Variants in CD99 observed in about 807,000 individuals in gnomAD.
CD99 encodes the protein CD99 molecule (Xg blood group).
In CD99, 19 loss-of-function variants were observed where a neutral mutation model predicts 28.4. That is an observed-to-expected ratio of 0.67 (90% CI 0.47 to 0.98). The LOEUF (loss-of-function observed/expected upper bound fraction) is 0.98. Among genes scored for constraint, CD99 ranks in the 50% least tolerant of loss-of-function variants. The pLI is 0.00. For missense variants in CD99, 283 were observed against 248.8 expected (o/e 1.14, Z -0.92); for synonymous variants, 103 against 92.1 (o/e 1.12, Z -0.67).
At chrX:2,706,310 A>G (rs2048113290) in intron 1 of CD99, among the ~76,000 whole-genome samples, 1 of 152,032 alleles carries the variant, frequency 6.6e-6, no homozygotes, top group African/African-American at 2.4e-5. Context: ...CAGTGAGCCA[A>G]AATCGGGCCA....
chrX:2,717,498 C>A, intron 2 of CD99, 107 bp from the exon 3 acceptor site: 2 of 916,156 alleles, frequency 2.2e-6, no homozygotes, highest in Non-Finnish European at 3.6e-6. Context: ...ATGCTAAAAA[C>A]ATTCTCCGAC....
intron 8 of CD99, among the ~76,000 whole-genome samples, chrX:2,735,925 T>G (rs1214839421): frequency 6.6e-6 from 1 of 151,780 alleles, no homozygotes; most frequent in African/African-American, 2.4e-5. Flanking sequence ...GCTGCTGGCT[T>G]GGCACGGTGG....
At position 2,717,728 on chromosome X, in the gene CD99, A is replaced by C; in HGVS notation, c.148+76A>C. On this transcript the variant is annotated intron_variant, in intron 3 of 9. Coordinates refer to ENST00000381192, the MANE Select transcript of CD99 (RefSeq NM_002414.5). ...TCGGACAGCAGGACGGGACTTAGGC[A>C]ACTAGAAAGAAGACAGAAGTGATTT... is the stretch of plus-strand genomic sequence containing the variant. The C allele has an allele frequency of 5.3e-6, 7 of 1,318,152 alleles. No individual in the cohort carries two copies. In the South Asian group the frequency reaches 8.3e-5, roughly 16 times the overall value. 81.7% of individuals were successfully genotyped at this position (1,318,152 alleles called of 1,614,324 possible).
chrX:2,700,910 C>T (rs773856159), intron 1 of CD99, among the ~76,000 whole-genome samples: 36 of 151,242 alleles, frequency 2.4e-4, no homozygotes, highest in Non-Finnish European at 4.6e-4. Context: ...CCCATCCATC[C>T]ACCCACCCAA....
chrX:2,716,263 C>T lies in CD99; in HGVS notation c.101-1342C>T, dbSNP rs757556539. ...CGAACTCCTGACCTTGTGATCTGCCCGCCTTGGCCTCCCAAAGTGCTGGGA... is the reference window on the plus strand; with the variant it reads ...CGAACTCCTGACCTTGTGATCTGCCTGCCTTGGCCTCCCAAAGTGCTGGGA... On this transcript the variant is annotated intron_variant, in intron 2 of 9. Transcript: ENST00000381192. 9.9e-5 allele frequency among the ~76,000 whole-genome samples: 15 copies of T among 152,250 alleles called. No individual in the cohort carries two copies. The East Asian group carries it at 1.9e-3, about 20-fold the overall frequency.
rs757542193 is a variant in CD99, at chrX:2,706,176, G to C, written c.68-8246G>C. On this transcript the variant is annotated intron_variant, in intron 1 of 9. Transcript: ENST00000381192. The stretch of plus-strand genomic sequence containing the variant: ...AGATCGAGACCATCCTGGCTACCAC[G>C]GTGAAACCCAGTCTCTACTAAAAAT... Among the ~76,000 whole-genome samples the C allele has an allele frequency of 2.1e-3, 315 of 151,750 alleles. 1 individual carries two copies. The highest frequency in any genetic ancestry group is 3.3e-3 in the Non-Finnish European group (223 of 67,962).
intron 8 of CD99, chrX:2,737,787 C>T (rs756429829): frequency 8.7e-6 from 3 of 345,384 alleles, no homozygotes; most frequent in South Asian, 2.4e-5. Flanking sequence ...TGAGTCACCA[C>T]GCCCAGCCGT....
rs2047380359 is a variant in CD99, at chrX:2,692,621, G to A, written c.67+1194G>A. ...ACTTGGAGGACTTTCCAGCCTGCAG[G>A]GGAGGTTCCAAGCAGAGCTTCCTGT... is the stretch of plus-strand genomic sequence containing the variant. On this transcript the variant is annotated intron_variant, in intron 1 of 9. Transcript: ENST00000381192. Among the ~76,000 whole-genome samples the A allele has an allele frequency of 2.6e-5, 4 of 152,256 alleles. No homozygotes were observed. In the South Asian group the frequency reaches 8.3e-4, roughly 32 times the overall value.
chrX:2,709,696 G>GT, intron 1 of CD99, among the ~76,000 whole-genome samples: 1 of 152,324 alleles, frequency 6.6e-6, no homozygotes, highest in South Asian at 2.1e-4. Flanking sequence ...GCACATGCAT[G>GT]AACATAGACA....
chrX:2,719,833 A>G, intron 4 of CD99, 128 bp downstream of exon 4: 1 of 961,350 alleles, frequency 1.0e-6, no homozygotes, highest in Non-Finnish European at 1.7e-6. Context: ...AACCTAGGGA[A>G]TAGGTGTGTC....
Position 2,733,847 on chromosome X carries a change from G to A in CD99, c.476-4353G>A, listed in dbSNP as rs2049801581. On this transcript the variant is annotated intron_variant, in intron 8 of 9. Coordinates refer to ENST00000381192, the MANE Select transcript of CD99 (RefSeq NM_002414.5). Reference sequence around the variant, plus strand: ...GGATTTTTAAATCTTCAACGTTTTTGGCCGTTGACTTGCATTTCTCACTGC... The same window carrying A: ...GGATTTTTAAATCTTCAACGTTTTTAGCCGTTGACTTGCATTTCTCACTGC... Among the ~76,000 whole-genome samples the A allele has an allele frequency of 2.6e-5, 4 of 152,176 alleles. No homozygotes were observed. In the South Asian group the frequency reaches 8.3e-4, roughly 32 times the overall value.
intron 2 of CD99, among the ~76,000 whole-genome samples, chrX:2,715,895 A>G (rs185200695): frequency 6.6e-6 from 1 of 152,212 alleles, no homozygotes; most frequent in Admixed American, 6.5e-5. Flanking sequence ...CTAATCTATT[A>G]TAACCTCATC....
At chrX:2,737,830 T>G in intron 8 of CD99, 1 of 393,570 alleles carries the variant, frequency 2.5e-6, no homozygotes, top group South Asian at 2.2e-5. Context: ...GGGGCAGTTA[T>G]AAATAAGAAT....
intron 9 of CD99, among the ~76,000 whole-genome samples, chrX:2,740,071 A>G (rs1448646403): frequency 1.3e-5 from 2 of 151,660 alleles, no homozygotes; most frequent in Non-Finnish European, 2.9e-5. Context: ...CAGCCTGGGC[A>G]ACAAGAGCAA....
chrX:2,693,968 G>T (rs1177201287), intron 1 of CD99, among the ~76,000 whole-genome samples: 3 of 152,202 alleles, frequency 2.0e-5, no homozygotes, highest in African/African-American at 2.4e-5. Flanking sequence ...CCAGCACAAA[G>T]AATTCATCTG....
chrX:2,692,952 G>C (rs1250294047), intron 1 of CD99, among the ~76,000 whole-genome samples: 1 of 152,154 alleles, frequency 6.6e-6, no homozygotes, highest in Non-Finnish European at 1.5e-5. Context: ...GACCTTTATA[G>C]TTCCATCACG....
chrX:2,722,767 C>G lies in CD99; in HGVS notation c.310+93C>G, dbSNP rs2049059375. 1.4e-5 allele frequency: 17 copies of G among 1,223,186 alleles called. No homozygotes were observed. The South Asian group carries it at 1.9e-4, about 14-fold the overall frequency. 75.8% of individuals were successfully genotyped at this position (1,223,186 alleles called of 1,614,324 possible). ...CACTACAGGGTCTAAACTGTCAGCT[C>G]TCTGTGAACTCACAGTGAAATGTTC... is the stretch of plus-strand genomic sequence containing the variant. On this transcript the variant is annotated intron_variant, in intron 6 of 9. Coordinates refer to ENST00000381192, the MANE Select transcript of CD99 (RefSeq NM_002414.5).
At chrX:2,727,306 C>G (rs1204267089) in intron 8 of CD99, 2 of 779,308 alleles carry the variant, frequency 2.6e-6, no homozygotes, top group Admixed American at 3.4e-5. Context: ...AGCTGGCAGG[C>G]TCTTTGGGAC....
chrX:2,700,622 GTCCA>G (rs1365777970), intron 1 of CD99, among the ~76,000 whole-genome samples: 2 of 148,356 alleles, frequency 1.3e-5, no homozygotes, highest in African/African-American at 5.0e-5. Flanking sequence ...TAATGCACCT[GTCCA>G]TCCATCCATC....
Sources: gnomAD v4.1 joint callset for allele counts (sites outside exome capture counted in the v4.1 genomes callset) on GRCh38, gnomAD v4.1.1 for gene constraint, MANE v1.5 for transcripts, NCBI Gene and HGNC (gene_info 2026-07-23, HGNC 2026-07-21) for gene names.